RUNX3: variants seen among roughly 807,000 people sequenced by gnomAD.
RUNX3 encodes the protein RUNX family transcription factor 3, also known as runt-related transcription factor 3.
A neutral mutation model predicts 27.7 loss-of-function variants in RUNX3; 10 were observed. The observed-to-expected ratio is 0.36, with a 90% CI of 0.22 to 0.61. The LOEUF is 0.61. Ranked by LOEUF, RUNX3 falls within the 20% of genes least tolerant of loss-of-function variation. The pLI, the probability that RUNX3 is intolerant of heterozygous loss-of-function variation, is 0.72. For synonymous variants in RUNX3, 270 were observed against 269.2 expected (o/e 1.00, Z -0.03); for missense variants, 469 against 629.5 (o/e 0.75, Z 2.73).
At chr1:24,905,670 C>T (rs1640650511) in intron 4 of RUNX3, among the ~76,000 whole-genome samples, 1 of 152,246 alleles carries the variant, frequency 6.6e-6, no homozygotes, top group South Asian at 2.1e-4. Flanking sequence ...GTGGGCTCTC[C>T]TTCCATGGGG....
intron 2 of RUNX3, among the ~76,000 whole-genome samples, chr1:24,938,903 T>C (rs1056313607): frequency 2.0e-5 from 3 of 152,118 alleles, no homozygotes; most frequent in African/African-American, 7.2e-5. Context: ...CCATGTGTAG[T>C]AAGTTTCTAT....
At chr1:24,950,826 G>A (rs1014948257) in intron 2 of RUNX3, among the ~76,000 whole-genome samples, 7 of 152,188 alleles carry the variant, frequency 4.6e-5, no homozygotes, top group South Asian at 4.1e-4. Flanking sequence ...CAGACCTGTA[G>A]TAGGTGGAAG....
In RUNX3 at chr1:24,902,082, T is replaced by TA; in HGVS notation, c.*39dup. On this transcript the variant is annotated 3_prime_UTR_variant, in exon 5 of 5. Coordinates refer to ENST00000308873, the MANE Select transcript of RUNX3 (RefSeq NM_004350.3). This position sits in a 1 kb window ranked among gnomAD's most constrained non-coding sequence, Gnocchi z 9.2. ...GCCCATCACTGGTCTTGAAGGTTGT[T>TA]AGGGTCCCCGCCTCCAGCGGGAGGA... 6.8e-7 allele frequency: 1 copy of TA among 1,466,762 alleles called. No individual in the cohort carries two copies. The allele number at this position is 1,466,762 out of a possible 1,614,324, so 90.9% of individuals were successfully genotyped here.
rs1192925649 is a variant in RUNX3, at chr1:24,902,162, G to A, written c.1208C>T (p.Thr403Met). 14 of 1,571,400 alleles carry A rather than the reference G, an allele frequency of 8.9e-6. No homozygotes were observed. Among genetic ancestry groups the A allele is most frequent in the Admixed American group, 3.6e-5 (2 of 54,796 alleles). ...SHSNSPTALS[T>M]PGRMDEAVWR... ...CACGGCCTCATCCATGCGGCCTGGC[G>A]TGCTCAGGGCCGTGGGTGAGTTGCT... The change falls in exon 5 of 5, where the codon ACG becomes ATG. Residue 403 changes from threonine to methionine, a missense_variant. Thr to Met is a moderately conservative substitution (Grantham distance 81). Transcript: ENST00000308873. The surrounding 1 kb of genome is among the most constrained non-coding windows in gnomAD (Gnocchi z 9.2).
chr1:24,918,233 C>T (rs1433455815), intron 3 of RUNX3, among the ~76,000 whole-genome samples: 1 of 145,158 alleles, frequency 6.9e-6, no homozygotes, highest in Non-Finnish European at 1.5e-5. Context: ...GGCTAGGCCT[C>T]CTGCCCCAGG....
intron 1 of RUNX3, chr1:24,929,003 G>A (rs145374700): frequency 8.3e-4 from 380 of 456,750 alleles, no homozygotes; most frequent in African/African-American, 7.1e-3. Flanking sequence ...AATGGCTGGG[G>A]GCTGCCAGGG....
chr1:24,955,961 G>A (rs558928426), intron 2 of RUNX3, among the ~76,000 whole-genome samples: 9 of 152,246 alleles, frequency 5.9e-5, no homozygotes, highest in South Asian at 2.1e-4. Context: ...TCCTAAGTCC[G>A]CTGGGGACGT....
intron 2 of RUNX3, among the ~76,000 whole-genome samples, chr1:24,953,633 G>A (rs752949798): frequency 7.9e-5 from 12 of 152,126 alleles, no homozygotes; most frequent in Non-Finnish European, 1.5e-4. Context: ...AGAATCCTAC[G>A]GGACGGTGCC....
rs555929849 is a variant in RUNX3 at position 24,949,735 on chromosome 1, C to T, written c.58+14779G>A. Among the ~76,000 whole-genome samples, 15 of 152,374 alleles carry T rather than the reference C, an allele frequency of 9.8e-5. No individual in the cohort carries two copies. In the South Asian group the frequency reaches 1.0e-3, roughly 11 times the overall value. The stretch of plus-strand genomic sequence containing the variant: ...TCCACGCGGCCTGGGCCAGGGAGGC[C>T]GTCAGGAGCCCACCCACCACCTCTG... On this transcript the variant is annotated intron_variant, in intron 2 of 6. Coordinates refer to the RUNX3 transcript ENST00000338888.
At chr1:24,946,830 C>T (rs563746475) in intron 2 of RUNX3, among the ~76,000 whole-genome samples, 2 of 152,284 alleles carry the variant, frequency 1.3e-5, no homozygotes, top group South Asian at 2.1e-4. Flanking sequence ...GGCAGAAAGC[C>T]GGGGGCAGTA....
Position 24,958,545 on chromosome 1 carries a change from A to G in RUNX3, c.58+5969T>C, listed in dbSNP as rs573220965. 2.0e-5 allele frequency among the ~76,000 whole-genome samples: 3 copies of G among 152,178 alleles called. No individual in the cohort carries two copies. In the South Asian group the frequency reaches 6.2e-4, roughly 32 times the overall value. ...CTTCTCAAAGCAAGACCAGAGTCCC[A>G]CTCCCAGCCCTAGGCCCGAGATTCC... On this transcript the variant is annotated intron_variant, in intron 2 of 6. Transcript: ENST00000338888.
At chr1:24,918,623 T>C (rs987124054) in intron 3 of RUNX3, among the ~76,000 whole-genome samples, 1 of 152,136 alleles carries the variant, frequency 6.6e-6, no homozygotes, top group Non-Finnish European at 1.5e-5. Flanking sequence ...ATTCATTCTG[T>C]GGACACAGAG....
chr1:24,917,216 C>T (rs1033792018), intron 3 of RUNX3, among the ~76,000 whole-genome samples: 7 of 152,150 alleles, frequency 4.6e-5, no homozygotes, highest in Admixed American at 1.3e-4. Context: ...TTCTGAGTGC[C>T]GCATCCCCAC....
chr1:24,955,368 T>G (rs1641889943), intron 2 of RUNX3, among the ~76,000 whole-genome samples: 1 of 152,172 alleles, frequency 6.6e-6, no homozygotes, highest in African/African-American at 2.4e-5. Context: ...ACAGGATGAC[T>G]CAAGGTCCTC....
At chr1:24,908,321 T>C (rs1443536101) in intron 3 of RUNX3, among the ~76,000 whole-genome samples, 1 of 151,838 alleles carries the variant, frequency 6.6e-6, no homozygotes, top group Non-Finnish European at 1.5e-5. Context: ...CACACGGTGA[T>C]CCAAACCTCT....
At chr1:24,915,628 A>G (rs1314117740) in intron 3 of RUNX3, among the ~76,000 whole-genome samples, 1 of 152,148 alleles carries the variant, frequency 6.6e-6, no homozygotes, top group Admixed American at 6.5e-5. Flanking sequence ...TAGGGTGTGA[A>G]GGAGTGTGCC....
chr1:24,901,846 G>A lies in RUNX3; in HGVS notation c.*276C>T, dbSNP rs542496472. On this transcript the variant is annotated 3_prime_UTR_variant, in exon 5 of 5. Transcript: ENST00000308873. Reference sequence around the variant, plus strand: ...GTGAGGTCCTTCCGGGGGGGTGGCAGGAGGCTGATTCCCCACAGAAGTATG... The same window carrying A: ...GTGAGGTCCTTCCGGGGGGGTGGCAAGAGGCTGATTCCCCACAGAAGTATG... 2.4e-5 allele frequency: 11 copies of A among 456,834 alleles called. No individual in the cohort carries two copies. In the East Asian group the frequency reaches 2.7e-4, roughly 11 times the overall value. 28.3% of individuals were successfully genotyped at this position (456,834 alleles called of 1,614,324 possible).
Position 24,901,118 on chromosome 1 carries a change from G to A in RUNX3, c.*1004C>T, listed in dbSNP as rs1640540239. 1 of 142,454 alleles carries A rather than the reference G, an allele frequency of 7.0e-6. No individual in the cohort carries two copies. The highest frequency in any genetic ancestry group is 2.7e-5 in the African/African-American group (1 of 37,626). 8.8% of individuals were successfully genotyped at this position (142,454 alleles called of 1,614,324 possible). On this transcript the variant is annotated 3_prime_UTR_variant, in exon 5 of 5. Coordinates refer to ENST00000308873, the MANE Select transcript of RUNX3 (RefSeq NM_004350.3). Reference sequence around the variant, plus strand: ...GACAGGTGTGTGCCAGGAGTCGCAAGATTTGGCTGGATCCTCCCAGGAGGC... The same window carrying A: ...GACAGGTGTGTGCCAGGAGTCGCAAAATTTGGCTGGATCCTCCCAGGAGGC...
At chr1:24,953,363 GAAAAA>G (rs71577738) in intron 2 of RUNX3, among the ~76,000 whole-genome samples, 4 of 60,742 alleles carry the variant, frequency 6.6e-5, no homozygotes, top group Non-Finnish European at 8.5e-5. Context: ...GACTCCGTCT[GAAAAA>G]AAAAAAAAAA....
Sources: allele counts gnomAD v4.1 joint callset (sites outside exome capture counted in the v4.1 genomes callset), GRCh38; gene constraint gnomAD v4.1.1; non-coding constraint Gnocchi (gnomAD v3.1); transcripts MANE v1.5; gene names NCBI Gene and HGNC (gene_info 2026-07-23, HGNC 2026-07-21).